PARP9: variants seen among roughly 807,000 people sequenced by gnomAD.
The protein encoded by PARP9 is protein mono-ADP-ribosyltransferase PARP9.
A neutral mutation model predicts 68.8 loss-of-function variants in PARP9; 48 were observed. That is an observed-to-expected ratio of 0.70 (90% CI 0.55 to 0.89). PARP9 has a LOEUF of 0.89. Ranked by LOEUF, PARP9 falls within the 40% of genes least tolerant of loss-of-function variation. The probability of loss-of-function intolerance (pLI) is 0.00; values close to 1 mark genes in which losing one functional copy is unlikely to be tolerated. For synonymous variants in PARP9, 309 were observed against 333.8 expected (o/e 0.93, Z 0.81); for missense variants, 806 against 969.3 (o/e 0.83, Z 2.24).
chr3:122,553,968 T>C (rs977247112), intron 4 of PARP9, among the ~76,000 whole-genome samples: 2 of 152,148 alleles, frequency 1.3e-5, no homozygotes, highest in African/African-American at 2.4e-5. Flanking sequence ...CAGAAATACC[T>C]AGGTTCACCG....
At chr3:122,549,692 G>T (rs572642324) in intron 6 of PARP9, among the ~76,000 whole-genome samples, 1 of 152,062 alleles carries the variant, frequency 6.6e-6, no homozygotes, top group South Asian at 2.1e-4. Flanking sequence ...GGAGTGGGAG[G>T]ATCACTTGAG....
At chr3:122,530,641 T>G (rs2077244513) in intron 10 of PARP9, among the ~76,000 whole-genome samples, 1 of 152,260 alleles carries the variant, frequency 6.6e-6, no homozygotes, top group African/African-American at 2.4e-5. Context: ...CCTTCTTTGA[T>G]GCCATATTAT....
chr3:122,539,285 G>A (rs138458606), intron 8 of PARP9, among the ~76,000 whole-genome samples: 1 of 152,114 alleles, frequency 6.6e-6, no homozygotes, highest in East Asian at 1.9e-4. Context: ...GTCTGGGTTA[G>A]GTGCCTCTCC....
chr3:122,540,326 A>G (rs1471736446), intron 8 of PARP9, 146 bp downstream of exon 8: 1 of 1,048,050 alleles, frequency 9.5e-7, no homozygotes, highest in Non-Finnish European at 1.3e-6. Context: ...ATAGCTCACA[A>G]AGGCTTATGA....
At chr3:122,534,029 C>A in intron 10 of PARP9, 18 of 985,468 alleles carry the variant, frequency 1.8e-5, no homozygotes, top group Non-Finnish European at 2.2e-5. Flanking sequence ...TCAATTGGTG[C>A]AGGTCACATT....
At chr3:122,552,998 T>C (rs1280070097) in intron 4 of PARP9, among the ~76,000 whole-genome samples, 2 of 152,204 alleles carry the variant, frequency 1.3e-5, no homozygotes. Flanking sequence ...CCGACCACCA[T>C]GACTTTTTGC....
chr3:122,555,849 G>C lies in PARP9; in HGVS notation c.322C>G (p.Leu108Val). ...DAVVNAANED[L>V]LHGGGLALAL... The stretch of plus-strand genomic sequence containing the variant: ...AGGGCCAGGCCTCCCCCATGCAGAA[G>C]ATCTTCATTGGCTGCATTCACCACA... The change falls in exon 4 of 11, where the codon CTT (leucine) becomes GTT (valine). Residue 108 changes from leucine to valine, a missense_variant. Transcript: ENST00000682323. The C allele has an allele frequency of 6.2e-7, 1 of 1,614,088 alleles. No homozygotes were observed. The highest frequency in any genetic ancestry group is 8.5e-7 in the Non-Finnish European group (1 of 1,180,024).
chr3:122,552,686 T>C (rs768078683), intron 4 of PARP9, 47 bp from the exon 5 acceptor site: 1 of 1,379,454 alleles, frequency 7.2e-7, no homozygotes, highest in South Asian at 1.2e-5. Flanking sequence ...TTCCTTCTTC[T>C]TAAATGACTA....
chr3:122,561,014 C>A (rs2080156687), intron 1 of PARP9, among the ~76,000 whole-genome samples: 2 of 152,182 alleles, frequency 1.3e-5, no homozygotes, highest in Admixed American at 1.3e-4. Flanking sequence ...AACAGAAAAG[C>A]CTTCCCAACT....
At chr3:122,551,563 G>A (rs1307867804) in intron 5 of PARP9, among the ~76,000 whole-genome samples, 3 of 152,124 alleles carry the variant, frequency 2.0e-5, no homozygotes, top group Non-Finnish European at 2.9e-5. Flanking sequence ...GCAGTGGCGC[G>A]ATCTCGGCTC....
At position 122,527,948 on chromosome 3, in the gene PARP9, T is replaced by G. The variant is rs1303989306; in HGVS notation, c.*416A>C. The G allele has an allele frequency of 6.5e-6, 1 of 153,094 alleles. No individual in the cohort carries two copies. Among genetic ancestry groups the G allele is most frequent in the Non-Finnish European group, 1.5e-5 (1 of 68,694 alleles). The allele number at this position is 153,094 out of a possible 1,614,324, so 9.5% of individuals were successfully genotyped here. A position where few individuals can be genotyped will look rare whatever the true frequency, so the allele number is the denominator to read the frequency against. On this transcript the variant is annotated 3_prime_UTR_variant, in exon 11 of 11. Coordinates refer to ENST00000682323, the MANE Select transcript of PARP9 (RefSeq NM_001146105.2). ...GTTAATCAGACAAAGATGATTTATT[T>G]TCATACCTAAAGCACTTTATAATAT...
chr3:122,536,577 T>A, intron 9 of PARP9: 1 of 713,924 alleles, frequency 1.4e-6, no homozygotes. Flanking sequence ...AAAAATTCAC[T>A]GACCTAGACA....
chr3:122,543,745 G>A (rs1350132450), intron 7 of PARP9, among the ~76,000 whole-genome samples: 2 of 152,112 alleles, frequency 1.3e-5, no homozygotes, highest in Non-Finnish European at 2.9e-5. Flanking sequence ...CCAAGTAGCT[G>A]GGACTATAGG....
chr3:122,532,553 G>A (rs2077381251), intron 10 of PARP9: 6 of 469,684 alleles, frequency 1.3e-5, no homozygotes, highest in African/African-American at 2.1e-5. Context: ...TGGGGAACGT[G>A]AGAGTTGGGT....
chr3:122,540,880 G>A (rs1161691065), intron 7 of PARP9, 28 bp from the exon 8 acceptor site: 1 of 1,562,434 alleles, frequency 6.4e-7, no homozygotes, highest in South Asian at 1.2e-5. Flanking sequence ...AGCAACCATG[G>A]AAGACTAGCA....
intron 1 of PARP9, among the ~76,000 whole-genome samples, chr3:122,563,029 A>G (rs1242893967): frequency 6.6e-6 from 1 of 152,306 alleles, no homozygotes; most frequent in African/African-American, 2.4e-5. Context: ...TGTTCACAGT[A>G]AAGACGGGCC....
Position 122,555,988 on chromosome 3 carries a change from G to A in PARP9, c.183C>T (p.Val61=). 1 of 1,613,918 alleles carries A rather than the reference G, an allele frequency of 6.2e-7. No individual in the cohort carries two copies. Among genetic ancestry groups the A allele is most frequent in the Non-Finnish European group, 8.5e-7 (1 of 1,179,994 alleles). ...TGCTGTTGCCTTCCTGAACTGGAGA[G>A]ACCAGGGTAGAGATACAGCCAAACT... is the stretch of plus-strand genomic sequence containing the variant. ...QNKFGCISTL[V]SPVQEGNSKS... The change falls in exon 4 of 11, where the codon GTC becomes GTT. Residue 61 remains valine, a synonymous_variant. Coordinates refer to ENST00000682323, the MANE Select transcript of PARP9 (RefSeq NM_001146105.2).
At chr3:122,536,677 T>G (rs2077669769) in intron 9 of PARP9, 1 of 543,672 alleles carries the variant, frequency 1.8e-6, no homozygotes, top group Non-Finnish European at 3.2e-6. Context: ...ATTCCACTTC[T>G]TTTATTTTGC....
At position 122,552,412 on chromosome 3, in the gene PARP9, A is replaced by G. The variant is rs757597547; in HGVS notation, c.1107+6T>C. The G allele has an allele frequency of 6.3e-7, 1 of 1,594,616 alleles. No homozygotes were observed. The highest frequency in any genetic ancestry group is 2.2e-5 in the East Asian group (1 of 44,504). ...CTAAATAAAGCCACATTTATTTTAA[A>G]CTTACCTGAGGTTTAGGAAATTCTG... On this transcript the variant is annotated splice_donor_region_variant and intron_variant, in intron 5 of 10. Coordinates refer to ENST00000682323, the MANE Select transcript of PARP9 (RefSeq NM_001146105.2).
Sources: gnomAD v4.1 joint callset for allele counts (sites outside exome capture counted in the v4.1 genomes callset) on GRCh38, gnomAD v4.1.1 for gene constraint, MANE v1.5 for transcripts, NCBI Gene and HGNC (gene_info 2026-07-23, HGNC 2026-07-21) for gene names.